Variants in DOCK5 observed in about 807,000 individuals in gnomAD.
DOCK5 encodes the protein dedicator of cytokinesis protein 5.
DOCK5 carries 142 observed loss-of-function variants against 251.8 expected under a neutral mutation model. The observed-to-expected ratio is 0.56, with a 90% CI of 0.49 to 0.65. The LOEUF (loss-of-function observed/expected upper bound fraction) is 0.65, where lower values mean the gene tolerates loss of function less well. Among genes scored for constraint, DOCK5 ranks in the 30% least tolerant of loss-of-function variants. The pLI is 0.00. For missense variants in DOCK5, 2,111 were observed against 2,312.3 expected, an observed-to-expected ratio of 0.91 and a Z score of 1.79; for synonymous variants, 842 against 835.5, an observed-to-expected ratio of 1.01 and a Z score of -0.13.
At chr8:25,224,787 A>G (rs1469770912) in intron 1 of DOCK5, among the ~76,000 whole-genome samples, 1 of 152,248 alleles carries the variant, frequency 6.6e-6, no homozygotes, top group African/African-American at 2.4e-5. Context: ...AAATGTATAA[A>G]GAAAAAGTTA....
intron 3 of DOCK5, chr8:25,270,702 G>A: frequency 3.3e-6 from 2 of 605,710 alleles, no homozygotes; most frequent in Non-Finnish European, 6.1e-6. Flanking sequence ...ATAGACTACA[G>A]TATGTAAGGA....
intron 51 of DOCK5, 48 bp from the exon 52 acceptor site, chr8:25,411,146 G>A: frequency 6.8e-7 from 1 of 1,463,890 alleles, no homozygotes; most frequent in Non-Finnish European, 9.1e-7. Context: ...GGCAGAATTG[G>A]GAAGAAAGCT....
intron 28 of DOCK5, 37 bp from the exon 29 acceptor site, chr8:25,363,010 C>G: frequency 6.5e-7 from 1 of 1,532,986 alleles, no homozygotes; most frequent in Non-Finnish European, 9.0e-7. Context: ...ATGAACGTAA[C>G]CCAGTTTTCC....
chr8:25,408,975 T>G lies in DOCK5; in HGVS notation c.5404+35T>G, dbSNP rs371616971. 2.2e-5 allele frequency: 36 copies of G among 1,613,514 alleles called. No homozygotes were observed. The African/African-American group carries it at 4.7e-4, about 21-fold the overall frequency. On this transcript the variant is annotated intron_variant, in intron 50 of 51. Coordinates refer to ENST00000276440, the MANE Select transcript of DOCK5 (RefSeq NM_024940.8). Reference sequence around the variant, plus strand: ...CCTGTATTCCTTATAGTCTTTTTACTAGGGAATGGAGTATGTTTATGCATC... The same window carrying G: ...CCTGTATTCCTTATAGTCTTTTTACGAGGGAATGGAGTATGTTTATGCATC...
intron 11 of DOCK5, 138 bp downstream of exon 11, chr8:25,304,465 G>A (rs1804849855): frequency 1.4e-6 from 1 of 719,398 alleles, no homozygotes; most frequent in African/African-American, 1.8e-5. Context: ...TCAGATAGGA[G>A]CTGAACAGAA....
intron 1 of DOCK5, among the ~76,000 whole-genome samples, chr8:25,186,118 A>G (rs1246976216): frequency 6.6e-6 from 1 of 152,130 alleles, no homozygotes; most frequent in Non-Finnish European, 1.5e-5. Context: ...GGGGCTTTTC[A>G]ACTCTGTAGC....
intron 5 of DOCK5, among the ~76,000 whole-genome samples, chr8:25,290,725 C>G (rs1804463616): frequency 6.6e-6 from 1 of 152,160 alleles, no homozygotes; most frequent in South Asian, 2.1e-4. Context: ...TAGGGACACA[C>G]AAATGAACAA....
chr8:25,281,401 T>C (rs1804188116), intron 5 of DOCK5, among the ~76,000 whole-genome samples: 1 of 149,298 alleles, frequency 6.7e-6, no homozygotes, highest in South Asian at 2.1e-4. Context: ...ATCACACTGT[T>C]GCACTTCAGC....
At chr8:25,200,931 G>A (rs1039461841) in intron 1 of DOCK5, among the ~76,000 whole-genome samples, 9 of 151,924 alleles carry the variant, frequency 5.9e-5, no homozygotes, top group African/African-American at 1.9e-4. Context: ...GTTTGAGATG[G>A]AGTCTTGCTT....
At position 25,414,913 on chromosome 8, in the gene DOCK5, T is replaced by TTTTTTTTTTTTC. The variant is rs1410633312; in HGVS notation, c.*3624_*3625insTTCTTTTTTTTT. 7.4e-5 allele frequency: 11 copies of TTTTTTTTTTTTC among 147,962 alleles called. No homozygotes were observed. Among genetic ancestry groups the TTTTTTTTTTTTC allele is most frequent in the Admixed American group, 6.8e-4 (10 of 14,764 alleles). 9.2% of individuals were successfully genotyped at this position (147,962 alleles called of 1,614,324 possible). A position where few individuals can be genotyped will look rare whatever the true frequency, so the allele number is the denominator to read the frequency against. ...GTAGTCAGTCCCTGGGCCTGTCTTTTTTTTTTTTTAATTTTGAAGCTACCT... is the reference window on the plus strand; with the variant it reads ...GTAGTCAGTCCCTGGGCCTGTCTTTTTTTTTTTTTTTCTTTTTTTTTAATTTTGAAGCTACCT... On this transcript the variant is annotated 3_prime_UTR_variant, in exon 52 of 52. Transcript: ENST00000276440.
At chr8:25,185,895 A>G (rs192265003) in intron 1 of DOCK5, among the ~76,000 whole-genome samples, 1 of 152,312 alleles carries the variant, frequency 6.6e-6, no homozygotes, top group African/African-American at 2.4e-5. Flanking sequence ...TCTGCCCTGA[A>G]CGGGGTGATT....
intron 46 of DOCK5, 67 bp downstream of exon 46, chr8:25,400,061 G>T: frequency 1.5e-6 from 2 of 1,326,264 alleles, no homozygotes; most frequent in Non-Finnish European, 2.1e-6. Flanking sequence ...ATTCTCCAGG[G>T]CTTAAGTCTA....
chr8:25,270,825 C>T (rs1482703293), intron 3 of DOCK5: 1 of 712,272 alleles, frequency 1.4e-6, no homozygotes, highest in Non-Finnish European at 2.6e-6. Context: ...TACCGAAATC[C>T]ATGGATGCTC....
intron 1 of DOCK5, among the ~76,000 whole-genome samples, chr8:25,236,735 C>G (rs544786897): frequency 1.3e-5 from 2 of 151,914 alleles, no homozygotes; most frequent in South Asian, 4.2e-4. Context: ...CATGAGCCAC[C>G]ACACCCAGCT....
intron 36 of DOCK5, among the ~76,000 whole-genome samples, chr8:25,374,046 A>T (rs941118399): frequency 6.6e-6 from 1 of 152,208 alleles, no homozygotes. Flanking sequence ...CATAGCTTTC[A>T]TTAGCTTCCC....
rs934987876 is a variant in DOCK5 at position 25,346,805 on chromosome 8, T to C, written c.2754+1194T>C. Among the ~76,000 whole-genome samples, 35 of 148,308 alleles carry C rather than the reference T, an allele frequency of 2.4e-4. 2 individuals are homozygous for C. Among genetic ancestry groups the C allele is most frequent in the Non-Finnish European group, 4.1e-4 (28 of 67,550 alleles). On this transcript the variant is annotated intron_variant, in intron 26 of 51. Transcript: ENST00000276440. ...TGCCACTGCACTCCAGCCTGGGTAATAGATTGAGACTCCAACTCCAAAAAA... is the reference window on the plus strand; with the variant it reads ...TGCCACTGCACTCCAGCCTGGGTAACAGATTGAGACTCCAACTCCAAAAAA...
intron 3 of DOCK5, among the ~76,000 whole-genome samples, chr8:25,273,879 T>G (rs1803977321): frequency 6.6e-6 from 1 of 152,172 alleles, no homozygotes; most frequent in South Asian, 2.1e-4. Flanking sequence ...CATTGTCACC[T>G]TGTGTCTGTG....
intron 3 of DOCK5, among the ~76,000 whole-genome samples, chr8:25,274,967 A>C (rs1408736416): frequency 6.6e-6 from 1 of 152,122 alleles, no homozygotes; most frequent in Non-Finnish European, 1.5e-5. Flanking sequence ...AACCCCTTGC[A>C]TATTCTGAGG....
intron 1 of DOCK5, among the ~76,000 whole-genome samples, chr8:25,242,203 A>G (rs1802972584): frequency 6.6e-6 from 1 of 152,174 alleles, no homozygotes; most frequent in Admixed American, 6.5e-5. Context: ...AGGGTAAGAT[A>G]CACAGGTTCC....
Sources: gnomAD v4.1 joint callset for allele counts (sites outside exome capture counted in the v4.1 genomes callset) on GRCh38, gnomAD v4.1.1 for gene constraint, MANE v1.5 for transcripts, NCBI Gene and HGNC (gene_info 2026-07-23, HGNC 2026-07-21) for gene names.